The following HPCAL1 variants were observed in gnomAD, a reference collection of about 807,000 sequenced individuals.
HPCAL1 encodes the protein hippocalcin like 1.
In HPCAL1, 8 loss-of-function variants were observed where a neutral mutation model predicts 17.1. That is an observed-to-expected ratio of 0.47 (90% CI 0.27 to 0.84). The LOEUF (loss-of-function observed/expected upper bound fraction) is 0.84, where lower values mean the gene tolerates loss of function less well. HPCAL1 is among the 40% of genes least tolerant of loss of function. The pLI, the probability that HPCAL1 is intolerant of heterozygous loss-of-function variation, is 0.13. For missense variants in HPCAL1, 165 were observed against 271.1 expected (o/e 0.61, Z 2.75); for synonymous variants, 112 against 111.4 (o/e 1.01, Z -0.03).
At chr2:10,368,250 T>C (rs899479345) in intron 1 of HPCAL1, among the ~76,000 whole-genome samples, 2 of 147,890 alleles carry the variant, frequency 1.4e-5, no homozygotes, top group Admixed American at 6.7e-5. Context: ...TGTGTGTGCA[T>C]TGTGTGTAGG....
intron 1 of HPCAL1, among the ~76,000 whole-genome samples, chr2:10,327,972 G>A (rs891667979): frequency 2.6e-5 from 4 of 152,252 alleles, no homozygotes; most frequent in African/African-American, 4.8e-5. Flanking sequence ...ATTAGATTTA[G>A]TAAGTGTAAA....
intron 1 of HPCAL1, among the ~76,000 whole-genome samples, chr2:10,386,047 G>C (rs917352677): frequency 6.6e-6 from 1 of 152,180 alleles, no homozygotes; most frequent in African/African-American, 2.4e-5. Context: ...CAGGACTTGC[G>C]TGTGACAAGC....
chr2:10,341,465 C>T (rs1468554363), intron 1 of HPCAL1, among the ~76,000 whole-genome samples: 2 of 151,636 alleles, frequency 1.3e-5, no homozygotes, highest in Non-Finnish European at 2.9e-5. Flanking sequence ...GCAACAACAA[C>T]AACAACAAAT....
chr2:10,353,272 C>T (rs1478580407), intron 1 of HPCAL1, among the ~76,000 whole-genome samples: 5 of 152,138 alleles, frequency 3.3e-5, no homozygotes, highest in Non-Finnish European at 7.3e-5. Context: ...TACTATTATT[C>T]TTTATAATAT....
At chr2:10,383,104 G>A (rs976943094) in intron 1 of HPCAL1, among the ~76,000 whole-genome samples, 5 of 152,200 alleles carry the variant, frequency 3.3e-5, no homozygotes, top group South Asian at 2.1e-4. Flanking sequence ...TGGGCGCGGC[G>A]GCTCATGCCT....
chr2:10,331,715 C>T lies in HPCAL1; in HGVS notation c.-111+28538C>T, dbSNP rs140912627. 1.2e-4 allele frequency among the ~76,000 whole-genome samples: 18 copies of T among 152,284 alleles called. No homozygotes were observed. Among genetic ancestry groups the T allele is most frequent in the African/African-American group, 2.2e-4 (9 of 41,558 alleles). On this transcript the variant is annotated intron_variant, in intron 1 of 4. Transcript: ENST00000307845. The surrounding 1 kb of genome is among the most constrained non-coding windows in gnomAD (Gnocchi z 5.0). Reference sequence around the variant, plus strand: ...CTTCCCCCGCATGCATCTTTCTCCCCGTCTGGCATGGTGTTTCTAGTCTTT... The same window carrying T: ...CTTCCCCCGCATGCATCTTTCTCCCTGTCTGGCATGGTGTTTCTAGTCTTT...
chr2:10,361,529 AACTGATTTCCTCAGCCATGTACACAGGTG>A (rs1666525500), intron 1 of HPCAL1, among the ~76,000 whole-genome samples: 1 of 152,014 alleles, frequency 6.6e-6, no homozygotes, highest in Non-Finnish European at 1.5e-5. Flanking sequence ...AATTCTTTTA[AACTGATTTCCTCAGCCATGTACACAGGTG>A]TGAAAGCCCT....
chr2:10,333,182 A>T (rs553189132), intron 1 of HPCAL1, among the ~76,000 whole-genome samples: 2 of 152,344 alleles, frequency 1.3e-5, no homozygotes, highest in South Asian at 4.1e-4. Context: ...TTCTCTTTTT[A>T]AAGTTTACTA....
At chr2:10,352,365 C>A (rs1322275722) in intron 1 of HPCAL1, among the ~76,000 whole-genome samples, 1 of 152,138 alleles carries the variant, frequency 6.6e-6, no homozygotes, top group African/African-American at 2.4e-5. Flanking sequence ...CCTTTGTAGC[C>A]CCTTCTCAAG....
chr2:10,354,983 A>C lies in HPCAL1; in HGVS notation c.-110-41852A>C, dbSNP rs904939308. Among the ~76,000 whole-genome samples the C allele has an allele frequency of 5.3e-5, 8 of 152,208 alleles. No individual in the cohort carries two copies. Among genetic ancestry groups the C allele is most frequent in the Non-Finnish European group, 1.2e-4 (8 of 68,034 alleles). On this transcript the variant is annotated intron_variant, in intron 1 of 4. Coordinates refer to ENST00000307845, the MANE Select transcript of HPCAL1 (RefSeq NM_002149.4). The surrounding 1 kb of genome is among the most constrained non-coding windows in gnomAD (Gnocchi z 5.1). The stretch of plus-strand genomic sequence containing the variant: ...AGGTGCTGCAGAGATGAAGATGAGG[A>C]GGATGATGGCCTGTGCCCAGGCAGG...
intron 1 of HPCAL1, among the ~76,000 whole-genome samples, chr2:10,339,727 A>T (rs1375066392): frequency 6.6e-6 from 1 of 152,182 alleles, no homozygotes; most frequent in Non-Finnish European, 1.5e-5. Context: ...TGCTTTACAG[A>T]TGGGGAAATT....
chr2:10,411,823 G>A (rs747661813), intron 2 of HPCAL1, among the ~76,000 whole-genome samples: 17 of 152,308 alleles, frequency 1.1e-4, no homozygotes, highest in Admixed American at 7.8e-4. Context: ...CTGGCTGCCC[G>A]CTTGCTCAGG....
intron 1 of HPCAL1, among the ~76,000 whole-genome samples, chr2:10,340,311 G>A (rs993867421): frequency 6.6e-6 from 1 of 152,208 alleles, no homozygotes; most frequent in Non-Finnish European, 1.5e-5. Context: ...GCTTCTTGGT[G>A]TGCAGTGTCT....
chr2:10,407,764 A>G (rs995495759), intron 2 of HPCAL1, among the ~76,000 whole-genome samples: 4 of 152,212 alleles, frequency 2.6e-5, no homozygotes, highest in African/African-American at 9.6e-5. Context: ...TGCAGGTGCG[A>G]AGGCCCTGAG....
chr2:10,320,834 C>T lies in HPCAL1; in HGVS notation c.-111+17657C>T, dbSNP rs545507844. Among the ~76,000 whole-genome samples, 20 of 152,304 alleles carry T rather than the reference C, an allele frequency of 1.3e-4. No homozygotes were observed. The South Asian group carries it at 2.1e-3, about 16-fold the overall frequency. ...GAATGATCTAGGCAGAAGACCTGCCCGCTCAGGGCTTCTGTTTCTAGCTGG... is the reference window on the plus strand; with the variant it reads ...GAATGATCTAGGCAGAAGACCTGCCTGCTCAGGGCTTCTGTTTCTAGCTGG... On this transcript the variant is annotated intron_variant, in intron 1 of 4. Coordinates refer to ENST00000307845, the MANE Select transcript of HPCAL1 (RefSeq NM_002149.4).
chr2:10,416,902 C>A (rs527277438), intron 2 of HPCAL1, among the ~76,000 whole-genome samples: 11 of 152,246 alleles, frequency 7.2e-5, no homozygotes, highest in Admixed American at 2.0e-4. Flanking sequence ...CCCCTATCTG[C>A]ACATTGTTCT....
In HPCAL1 at chr2:10,426,731, G is replaced by A. The variant is rs368006922; in HGVS notation, c.492G>A (p.Leu164=). 4 of 1,613,150 alleles carry A rather than the reference G, an allele frequency of 2.5e-6. No individual in the cohort carries two copies. The highest frequency in any genetic ancestry group is 3.4e-6 in the Non-Finnish European group (4 of 1,179,828). ...GTCTCTGGTCCCCTGCAGGCAAACT[G>A]TCCTTGGAAGAATTCATCAGAGGTG... ...RQMDTNNDGK[L]SLEEFIRGAK... is the part of the protein sequence containing the mutation. The change falls in exon 5 of 5, where the codon CTG becomes CTA. Residue 164 remains leucine (L), a synonymous_variant. Transcript: ENST00000307845.
intron 1 of HPCAL1, among the ~76,000 whole-genome samples, chr2:10,392,820 G>C (rs951023230): frequency 6.6e-6 from 1 of 152,230 alleles, no homozygotes; most frequent in Admixed American, 6.5e-5. Flanking sequence ...ACTCGGAGAG[G>C]GGCCTAAGGC....
intron 2 of HPCAL1, among the ~76,000 whole-genome samples, chr2:10,401,955 C>T (rs1669638336): frequency 6.6e-6 from 1 of 152,158 alleles, no homozygotes; most frequent in African/African-American, 2.4e-5. Context: ...GGCTGGAGTG[C>T]AGTGGTGTGA....
Sources: gnomAD v4.1 joint callset for allele counts (sites outside exome capture counted in the v4.1 genomes callset) on GRCh38, gnomAD v4.1.1 for gene constraint, Gnocchi (gnomAD v3.1) non-coding constraint, MANE v1.5 for transcripts, NCBI Gene and HGNC (gene_info 2026-07-23, HGNC 2026-07-21) for gene names.